The following TENT5A variants were observed in gnomAD, a reference collection of about 807,000 sequenced individuals.
The protein encoded by TENT5A is HBV X-transactivated gene 11 protein.
TENT5A carries 9 observed loss-of-function variants against 30.2 expected under a neutral mutation model. The ratio of observed to expected loss-of-function variants is 0.30; its 90% CI spans 0.18 to 0.52. The LOEUF (loss-of-function observed/expected upper bound fraction) is 0.52, where lower values mean the gene tolerates loss of function less well. Among genes scored for constraint, TENT5A ranks in the 20% least tolerant of loss-of-function variants. The pLI is 0.97. For missense variants in TENT5A, 411 were observed against 566.1 expected, an observed-to-expected ratio of 0.73 and a Z score of 2.78; for synonymous variants, 264 against 234.2, an observed-to-expected ratio of 1.13 and a Z score of -1.16.
rs899141921 is a variant in TENT5A, at chr6:81,747,471, C to G, written c.*2224G>C. 2 of 985,844 alleles carry G rather than the reference C, an allele frequency of 2.0e-6. No individual in the cohort carries two copies. Among genetic ancestry groups the G allele is most frequent in the Non-Finnish European group, 1.2e-6 (1 of 829,926 alleles). The allele number at this position is 985,844 out of a possible 1,614,324, so 61.1% of individuals were successfully genotyped here. A position where few individuals can be genotyped will look rare whatever the true frequency, so the allele number is the denominator to read the frequency against. ...GACAGAATTCACAAGGAAGCTGCTA[C>G]AGCAAACCCATCAGGTTCCCATTAA... On this transcript the variant is annotated 3_prime_UTR_variant, in exon 3 of 3. Transcript: ENST00000320172.
rs1768938538 is a variant in TENT5A, at chr6:81,748,830, C to T, written c.*865G>A. The T allele has an allele frequency of 1.1e-5, 11 of 985,026 alleles. No individual in the cohort carries two copies. The highest frequency in any genetic ancestry group is 1.3e-5 in the Non-Finnish European group (11 of 829,236). 61.0% of individuals were successfully genotyped at this position (985,026 alleles called of 1,614,324 possible). ...CTGATAAAATAAAATAATCATTAAA[C>T]CATAAAATAATTTTGCCACTTCAAA... On this transcript the variant is annotated 3_prime_UTR_variant, in exon 3 of 3. Coordinates refer to ENST00000320172, the MANE Select transcript of TENT5A (RefSeq NM_017633.3).
In TENT5A at chr6:81,746,304, G is replaced by T; in HGVS notation, c.*3391C>A. On this transcript the variant is annotated 3_prime_UTR_variant, in exon 3 of 3. Coordinates refer to ENST00000320172, the MANE Select transcript of TENT5A (RefSeq NM_017633.3). ...CATAATACATTTCATTTACAAAATA[G>T]TTCACAATATTTATTTAACAAGCGT... is the stretch of plus-strand genomic sequence containing the variant. The T allele has an allele frequency of 8.2e-7, 1 of 1,214,220 alleles. No homozygotes were observed. Among genetic ancestry groups the T allele is most frequent in the Non-Finnish European group, 1.0e-6 (1 of 977,204 alleles). 75.2% of individuals were successfully genotyped at this position (1,214,220 alleles called of 1,614,324 possible).
At position 81,748,970 on chromosome 6, in the gene TENT5A, G is replaced by A; in HGVS notation, c.*725C>T. On this transcript the variant is annotated 3_prime_UTR_variant, in exon 3 of 3. Coordinates refer to ENST00000320172, the MANE Select transcript of TENT5A (RefSeq NM_017633.3). ...GGTATTTTTATCTGTTAAATCTTTG[G>A]TCCTTGAGCACACTTTCTTTGTTAC... 3 of 985,558 alleles carry A rather than the reference G, an allele frequency of 3.0e-6. No homozygotes were observed. Among genetic ancestry groups the A allele is most frequent in the Non-Finnish European group, 3.6e-6 (3 of 829,874 alleles). The allele number at this position is 985,558 out of a possible 1,614,324, so 61.1% of individuals were successfully genotyped here.
At chr6:81,751,529 G>A (rs577463790) in intron 2 of TENT5A, 61 bp downstream of exon 2, 778 of 1,451,680 alleles carry the variant, frequency 5.4e-4, no homozygotes, top group Admixed American at 1.1e-3. Flanking sequence ...CCCTCTGCCC[G>A]CTCCCCGTCA....
intron 1 of TENT5A, 74 bp from the exon 2 acceptor site, chr6:81,752,252 G>T: frequency 6.8e-7 from 1 of 1,477,790 alleles, no homozygotes; most frequent in Non-Finnish European, 8.9e-7. Flanking sequence ...GAGAGCAGAG[G>T]CCCGCCAGGA....
At position 81,746,816 on chromosome 6, in the gene TENT5A, G is replaced by A. The variant is rs1300070252; in HGVS notation, c.*2879C>T. On this transcript the variant is annotated 3_prime_UTR_variant, in exon 3 of 3. Transcript: ENST00000320172. ...CTCTCACCAGACATTCAAATTTTTA[G>A]GCCGCACATCCACAAAGAGAGACAT... 50 of 1,185,982 alleles carry A rather than the reference G, an allele frequency of 4.2e-5. No individual in the cohort carries two copies. The highest frequency in any genetic ancestry group is 5.1e-5 in the Non-Finnish European group (49 of 959,536). The allele number at this position is 1,185,982 out of a possible 1,614,324, so 73.5% of individuals were successfully genotyped here.
intron 1 of TENT5A, 31 bp downstream of exon 1, chr6:81,752,400 A>C: frequency 6.5e-7 from 1 of 1,549,160 alleles, no homozygotes; most frequent in Admixed American, 2.0e-5. Flanking sequence ...ATGCATCTGG[A>C]AAGCGCAAGC....
Position 81,751,950 on chromosome 6 carries a change from A to T in TENT5A, c.192T>A (p.Asn64Lys), listed in dbSNP as rs753562608. Residue 64 changes from asparagine to lysine, a missense_variant, in exon 2 of 3, where the codon AAT becomes AAA. By Grantham distance (94) the Asn-to-Lys change is moderately conservative (BLOSUM62 0). Coordinates refer to ENST00000320172, the MANE Select transcript of TENT5A (RefSeq NM_017633.3). ...DYCESPTAHC[N>K]VLNWEQVQRL... The stretch of plus-strand genomic sequence containing the variant: ...GCTGCACTTGCTCCCAGTTCAGCAC[A>T]TTGCAGTGCGCCGTAGGGCTTTCGC... The T allele has an allele frequency of 5.0e-6, 8 of 1,612,870 alleles. No individual in the cohort carries two copies. In the East Asian group the frequency reaches 1.8e-4, roughly 36 times the overall value.
In TENT5A at chr6:81,749,812, A is replaced by G. The variant is rs774536189; in HGVS notation, c.1212T>C (p.Tyr404=). 2.5e-6 allele frequency: 4 copies of G among 1,614,000 alleles called. No homozygotes were observed. Among genetic ancestry groups the G allele is most frequent in the African/African-American group, 2.7e-5 (2 of 74,884 alleles). The change falls in exon 3 of 3, where the codon TAT becomes TAC. Residue 404 remains tyrosine (Y), a synonymous_variant. Transcript: ENST00000320172. ...CTGCTACATAGGGGGCTGGCTGGTA[A>G]TAGCAAGTGACATTAGCCACATTAG... The part of the protein sequence containing the change: ...VIPNVANVTC[Y]YQPAPYVADA...
At position 81,751,917 on chromosome 6, in the gene TENT5A, G is replaced by A. The variant is rs374540996; in HGVS notation, c.225C>T (p.Asp75=). 2.6e-5 allele frequency: 42 copies of A among 1,612,892 alleles called. No homozygotes were observed. Among genetic ancestry groups the A allele is most frequent in the Middle Eastern group, 3.3e-4 (2 of 6,084 alleles). The change falls in exon 2 of 3, where the codon GAC becomes GAT. Residue 75 remains aspartate (D), a synonymous_variant. Transcript: ENST00000320172. The part of the protein sequence containing the change: ...VLNWEQVQRL[D]GILSETIPIH... The stretch of plus-strand genomic sequence containing the variant: ...TCGGAATGGTCTCGCTCAGGATGCC[G>A]TCCAGCCGCTGCACTTGCTCCCAGT...
Position 81,752,537 on chromosome 6 carries a change from G to T in TENT5A, c.-144C>A. On this transcript the variant is annotated 5_prime_UTR_variant, in exon 1 of 3. Transcript: ENST00000320172. ...CGCTCAGACAGCAAATAGCGACTTCGTCTTTCCCAGACCCCTGCCGCCTGC... is the reference window on the plus strand; with the variant it reads ...CGCTCAGACAGCAAATAGCGACTTCTTCTTTCCCAGACCCCTGCCGCCTGC... 2.5e-6 allele frequency: 3 copies of T among 1,194,112 alleles called. No homozygotes were observed. The highest frequency in any genetic ancestry group is 3.6e-6 in the Non-Finnish European group (3 of 822,122). The allele number at this position is 1,194,112 out of a possible 1,614,324, so 74.0% of individuals were successfully genotyped here.
At position 81,750,602 on chromosome 6, in the gene TENT5A, T is replaced by A; in HGVS notation, c.553-131A>T. The A allele has an allele frequency of 1.6e-6, 1 of 606,086 alleles. No individual in the cohort carries two copies. The highest frequency in any genetic ancestry group is 2.8e-6 in the Non-Finnish European group (1 of 361,704). The allele number at this position is 606,086 out of a possible 1,614,324, so 37.5% of individuals were successfully genotyped here. A position where few individuals can be genotyped will look rare whatever the true frequency, so the allele number is the denominator to read the frequency against. ...GTTTTGTCAAGTTTCAGCCAAACAC[T>A]ACCTACAGGCTTAAACGGTCTTCTG... On this transcript the variant is annotated intron_variant, in intron 2 of 2. Coordinates refer to ENST00000320172, the MANE Select transcript of TENT5A (RefSeq NM_017633.3). This position sits in a 1 kb window ranked among gnomAD's most constrained non-coding sequence, Gnocchi z 4.2.
rs2127726405 is a variant in TENT5A at position 81,749,627 on chromosome 6, T to TC, written c.*67dup. On this transcript the variant is annotated 3_prime_UTR_variant, in exon 3 of 3. Coordinates refer to ENST00000320172, the MANE Select transcript of TENT5A (RefSeq NM_017633.3). ...AAGGGCTGGATCACTCTTTTTTTTT[T>TC]CTTTTTTTTTTTTTTCTCTCCTGTC... The TC allele has an allele frequency of 6.7e-7, 1 of 1,496,208 alleles. No individual in the cohort carries two copies. Among genetic ancestry groups the TC allele is most frequent in the East Asian group, 2.3e-5 (1 of 43,232 alleles). The allele number at this position is 1,496,208 out of a possible 1,614,324, so 92.7% of individuals were successfully genotyped here.
chr6:81,748,142 T>G lies in TENT5A; in HGVS notation c.*1553A>C, dbSNP rs1241120898. On this transcript the variant is annotated 3_prime_UTR_variant, in exon 3 of 3. Transcript: ENST00000320172. ...ATTCTAGTGGTCCAGAAATGCAGAATGCATTCATTAAAATTCATTTAAACA... is the reference window on the plus strand; with the variant it reads ...ATTCTAGTGGTCCAGAAATGCAGAAGGCATTCATTAAAATTCATTTAAACA... 1 of 985,398 alleles carries G rather than the reference T, an allele frequency of 1.0e-6. No individual in the cohort carries two copies. Among genetic ancestry groups the G allele is most frequent in the African/African-American group, 1.7e-5 (1 of 57,324 alleles). 61.0% of individuals were successfully genotyped at this position (985,398 alleles called of 1,614,324 possible). A position where few individuals can be genotyped will look rare whatever the true frequency, so the allele number is the denominator to read the frequency against.
chr6:81,750,255 G>C lies in TENT5A; in HGVS notation c.769C>G (p.Pro257Ala). 1 of 1,614,060 alleles carries C rather than the reference G, an allele frequency of 6.2e-7. No individual in the cohort carries two copies. The highest frequency in any genetic ancestry group is 8.5e-7 in the Non-Finnish European group (1 of 1,179,988). Reference protein sequence around the residue: ...SENPMTETFHPTIIGESVYGD... With the variant: ...SENPMTETFHATIIGESVYGD... Reference sequence around the variant, plus strand: ...TAGACGCTCTCCCCGATTATTGTGGGGTGAAATGTCTCAGTCATTGGGTTC... The same window carrying C: ...TAGACGCTCTCCCCGATTATTGTGGCGTGAAATGTCTCAGTCATTGGGTTC... Residue 257 changes from proline to alanine, a missense_variant, in exon 3 of 3, where the codon CCC (proline) becomes GCC (alanine). Physicochemically the swap from Pro to Ala is conservative, Grantham distance 27 (BLOSUM62 -1). This residue lies in a region of TENT5A where 135 missense variants were observed against 240.0 expected (regional missense o/e 0.56). Transcript: ENST00000320172. This position sits in a 1 kb window ranked among gnomAD's most constrained non-coding sequence, Gnocchi z 4.2.
rs780521689 is a variant in TENT5A, at chr6:81,749,965, C to A, written c.1059G>T (p.Glu353Asp). 1 of 1,614,142 alleles carries A rather than the reference C, an allele frequency of 6.2e-7. No individual in the cohort carries two copies. The highest frequency in any genetic ancestry group is 8.5e-7 in the Non-Finnish European group (1 of 1,179,990). Residue 353 changes from glutamate to aspartate, a missense_variant, in exon 3 of 3, where the codon GAG (glutamate) becomes GAT (aspartate). Glu to Asp is a conservative substitution (Grantham distance 45). Coordinates refer to ENST00000320172, the MANE Select transcript of TENT5A (RefSeq NM_017633.3). The part of the protein sequence containing the change: ...HFVGLEDRKY[E>D]YLMTLHGVVN... Reference sequence around the variant, plus strand: ...CCACTCCATGAAGGGTCATGAGATACTCATACTTGCGGTCTTCCAATCCCA... The same window carrying A: ...CCACTCCATGAAGGGTCATGAGATAATCATACTTGCGGTCTTCCAATCCCA...
chr6:81,746,767 T>A lies in TENT5A; in HGVS notation c.*2928A>T. The A allele has an allele frequency of 1.6e-6, 2 of 1,217,538 alleles. No homozygotes were observed. Among genetic ancestry groups the A allele is most frequent in the Non-Finnish European group, 1.0e-6 (1 of 979,184 alleles). The allele number at this position is 1,217,538 out of a possible 1,614,324, so 75.4% of individuals were successfully genotyped here. A position where few individuals can be genotyped will look rare whatever the true frequency, so the allele number is the denominator to read the frequency against. ...AATAGGGAGTCGGGAGCTGTTCTTT[T>A]CTCTGACCTATACACATGGCTCTCT... On this transcript the variant is annotated 3_prime_UTR_variant, in exon 3 of 3. Coordinates refer to ENST00000320172, the MANE Select transcript of TENT5A (RefSeq NM_017633.3).
At position 81,750,658 on chromosome 6, in the gene TENT5A, G is replaced by A. The variant is rs568730596; in HGVS notation, c.553-187C>T. Among the ~76,000 whole-genome samples, 24 of 152,338 alleles carry A rather than the reference G, an allele frequency of 1.6e-4. No homozygotes were observed. In the South Asian group the frequency reaches 2.9e-3, roughly 18 times the overall value. ...AGAAAAAAAATACTTTTAACGAGTA[G>A]TTTTACTGTCTGGGAAAGGGACTAG... is the stretch of plus-strand genomic sequence containing the variant. On this transcript the variant is annotated intron_variant, in intron 2 of 2. Transcript: ENST00000320172. This position sits in a 1 kb window ranked among gnomAD's most constrained non-coding sequence, Gnocchi z 4.2.
rs774301391 is a variant in TENT5A at position 81,749,134 on chromosome 6, G to A, written c.*561C>T. 2 of 985,872 alleles carry A rather than the reference G, an allele frequency of 2.0e-6. No homozygotes were observed. Among genetic ancestry groups the A allele is most frequent in the Non-Finnish European group, 2.4e-6 (2 of 830,006 alleles). 61.1% of individuals were successfully genotyped at this position (985,872 alleles called of 1,614,324 possible). On this transcript the variant is annotated 3_prime_UTR_variant, in exon 3 of 3. Transcript: ENST00000320172. ...TACTACTGTTCATTTGGAGCAAGCC[G>A]TTTGTTAGCAAAACAAGATCATTCC...
Sources: gnomAD v4.1 joint callset for allele counts (sites outside exome capture counted in the v4.1 genomes callset) on GRCh38, gnomAD v4.1.1 for gene constraint, gnomAD v4.1.1 regional missense constraint, Gnocchi (gnomAD v3.1) non-coding constraint, MANE v1.5 for transcripts, NCBI Gene and HGNC (gene_info 2026-07-23, HGNC 2026-07-21) for gene names.